SWT1: variants seen among roughly 807,000 people sequenced by gnomAD.
SWT1 encodes SWT1 RNA endoribonuclease homolog.
Under a neutral mutation model 107.3 loss-of-function variants are expected in SWT1, and 33 were observed. That is an observed-to-expected ratio of 0.31 (90% CI 0.23 to 0.41). SWT1 has a LOEUF of 0.41. Among genes scored for constraint, SWT1 ranks in the 10% least tolerant of loss-of-function variants. SWT1 has a pLI of 1.00. For missense variants in SWT1, 898 were observed against 1,028.9 expected (o/e 0.87, Z 1.74); for synonymous variants, 345 against 348.3 (o/e 0.99, Z 0.11).
At chr1:185,203,798 C>T (rs900633666) in intron 11 of SWT1, among the ~76,000 whole-genome samples, 3 of 151,990 alleles carry the variant, frequency 2.0e-5, no homozygotes, top group Non-Finnish European at 4.4e-5. Context: ...AATATATGTG[C>T]ATTTTATATA....
intron 10 of SWT1, among the ~76,000 whole-genome samples, chr1:185,194,854 G>C (rs889455980): frequency 6.6e-6 from 1 of 152,012 alleles, no homozygotes; most frequent in Non-Finnish European, 1.5e-5. Flanking sequence ...GATAGCTTCA[G>C]TATCTGTGTT....
intron 18 of SWT1, among the ~76,000 whole-genome samples, chr1:185,277,190 G>A (rs1489737048): frequency 6.6e-6 from 1 of 152,140 alleles, no homozygotes; most frequent in Non-Finnish European, 1.5e-5. Flanking sequence ...CGGATTGCGG[G>A]AAAAGTACTG....
chr1:185,186,003 A>G (rs1243107795), intron 9 of SWT1, among the ~76,000 whole-genome samples: 1 of 152,198 alleles, frequency 6.6e-6, no homozygotes, highest in Non-Finnish European at 1.5e-5. Flanking sequence ...TGAGAGGAAC[A>G]TAGGATTTGA....
At chr1:185,170,848 T>A (rs1654990582) in intron 4 of SWT1, among the ~76,000 whole-genome samples, 1 of 152,110 alleles carries the variant, frequency 6.6e-6, no homozygotes, top group African/African-American at 2.4e-5. Context: ...AAGACAAATT[T>A]ATAATAAAAA....
In SWT1 at chr1:185,202,662, G is replaced by A; in HGVS notation, c.1532G>A (p.Arg511Lys). Residue 511 changes from arginine (R) to lysine (K), a missense_variant, in exon 11 of 19, where the codon AGA becomes AAA. Around this residue, in one of 6 missense-constraint regions of SWT1, gnomAD observed 382 missense variants for 460.0 expected, o/e 0.83. Coordinates refer to ENST00000367500, the MANE Select transcript of SWT1 (RefSeq NM_017673.7). Reference sequence around the variant, plus strand: ...CAACCTCCCAACCTTAGGGATGATAGAAACTTAAGAAACAAAGGCCTAATA... The same window carrying A: ...CAACCTCCCAACCTTAGGGATGATAAAAACTTAAGAAACAAAGGCCTAATA... Reference protein sequence around the residue: ...CSFVILCTDDRNLRNKGLISG... With the variant: ...CSFVILCTDDKNLRNKGLISG... 1 of 1,605,892 alleles carries A rather than the reference G, an allele frequency of 6.2e-7. No homozygotes were observed. The highest frequency in any genetic ancestry group is 1.3e-5 in the African/African-American group (1 of 74,516).
chr1:185,170,799 A>G (rs1654985070), intron 4 of SWT1, among the ~76,000 whole-genome samples: 1 of 152,208 alleles, frequency 6.6e-6, no homozygotes, highest in Non-Finnish European at 1.5e-5. Flanking sequence ...CTATAGGACT[A>G]TAGGAAGAAA....
intron 10 of SWT1, among the ~76,000 whole-genome samples, chr1:185,195,457 A>G (rs547266007): frequency 1.3e-5 from 2 of 152,204 alleles, no homozygotes; most frequent in Admixed American, 6.5e-5. Context: ...CGCAATAAAC[A>G]TATGTGTGCA....
chr1:185,211,730 C>T (rs1658825745), intron 13 of SWT1, among the ~76,000 whole-genome samples: 1 of 152,216 alleles, frequency 6.6e-6, no homozygotes, highest in African/African-American at 2.4e-5. Flanking sequence ...GACTATAAAT[C>T]ATGCTGCTAT....
chr1:185,187,746 G>A (rs757790504), intron 9 of SWT1, among the ~76,000 whole-genome samples: 3 of 152,002 alleles, frequency 2.0e-5, no homozygotes, highest in Non-Finnish European at 4.4e-5. Flanking sequence ...GTGCAATGGC[G>A]TGATCTCAGC....
At chr1:185,285,125 C>T (rs577819932) in intron 18 of SWT1, among the ~76,000 whole-genome samples, 1 of 152,250 alleles carries the variant, frequency 6.6e-6, no homozygotes, top group South Asian at 2.1e-4. Context: ...TGACTCAGTA[C>T]TTTTCTGCTT....
chr1:185,224,555 G>C (rs147383721), intron 15 of SWT1, among the ~76,000 whole-genome samples: 3 of 152,058 alleles, frequency 2.0e-5, no homozygotes, highest in Non-Finnish European at 2.9e-5. Flanking sequence ...TAAATCTGTA[G>C]ATCACTTTGG....
intron 11 of SWT1, among the ~76,000 whole-genome samples, chr1:185,203,394 C>CG (rs1658043160): frequency 6.6e-6 from 1 of 152,000 alleles, no homozygotes; most frequent in African/African-American, 2.4e-5. Context: ...GAGGCCGAGG[C>CG]GGGTGGATCA....
chr1:185,287,205 G>A (rs958278528), intron 18 of SWT1, among the ~76,000 whole-genome samples: 5 of 152,116 alleles, frequency 3.3e-5, no homozygotes, highest in Non-Finnish European at 5.9e-5. Context: ...TTGGTTATGC[G>A]AAAGGAATCA....
At position 185,172,183 on chromosome 1, in the gene SWT1, TC is replaced by T. The variant is rs139557557; in HGVS notation, c.225-2185del. Among the ~76,000 whole-genome samples, 188 of 152,340 alleles carry T rather than the reference TC, an allele frequency of 1.2e-3. 1 individual carries two copies. The East Asian group carries it at 0.033, about 27-fold the overall frequency. On this transcript the variant is annotated intron_variant, in intron 4 of 18. Transcript: ENST00000367500. ...ATTAATAGATTGTGTTTGACATTTT[TC>T]CCCTTTTTTTCTCACTACAAAGTAA... is the stretch of plus-strand genomic sequence containing the variant.
chr1:185,216,188 A>G (rs1260230021), intron 14 of SWT1, among the ~76,000 whole-genome samples: 1 of 152,172 alleles, frequency 6.6e-6, no homozygotes, highest in Non-Finnish European at 1.5e-5. Context: ...TTGAGGAAAG[A>G]ATTTATTTAA....
rs993117805 is a variant in SWT1, at chr1:185,271,467, C to G, written c.2508+78C>G. On this transcript the variant is annotated intron_variant, in intron 17 of 18. Transcript: ENST00000367500. ...AATGTAAATAAACAGAGTAGGAGTT[C>G]TCAAACATAGTGGAATGCTATTTAA... 1.4e-5 allele frequency: 10 copies of G among 733,734 alleles called. No individual in the cohort carries two copies. In the African/African-American group the frequency reaches 1.8e-4, roughly 13 times the overall value. 45.5% of individuals were successfully genotyped at this position (733,734 alleles called of 1,614,324 possible).
At chr1:185,218,831 C>G (rs1659421395) in intron 14 of SWT1, among the ~76,000 whole-genome samples, 1 of 152,140 alleles carries the variant, frequency 6.6e-6, no homozygotes, top group Admixed American at 6.6e-5. Context: ...GACCTTAATT[C>G]TCTCTTTTGT....
chr1:185,172,426 G>A lies in SWT1; in HGVS notation c.225-1946G>A, dbSNP rs369310657. 2.1e-4 allele frequency among the ~76,000 whole-genome samples: 32 copies of A among 152,138 alleles called. 1 individual carries two copies. Among genetic ancestry groups the A allele is most frequent in the South Asian group, 1.0e-3 (5 of 4,826 alleles). On this transcript the variant is annotated intron_variant, in intron 4 of 18. Coordinates refer to ENST00000367500, the MANE Select transcript of SWT1 (RefSeq NM_017673.7). ...TCCTTTTAAAAAACTGTGATATTCC[G>A]TCATATGAATATGTCACTTTTTAAA...
Position 185,160,058 on chromosome 1 carries a change from A to G in SWT1, c.-9-775A>G, listed in dbSNP as rs550715331. On this transcript the variant is annotated intron_variant, in intron 1 of 18. Coordinates refer to ENST00000367500, the MANE Select transcript of SWT1 (RefSeq NM_017673.7). ...TTACATCCATTGTTTCAGTACCTCA[A>G]AAACCCTGTGGGATGGGTTATCTAT... Among the ~76,000 whole-genome samples the G allele has an allele frequency of 6.6e-5, 10 of 152,296 alleles. No individual in the cohort carries two copies. In the South Asian group the frequency reaches 2.1e-3, roughly 32 times the overall value.
Sources: gnomAD v4.1 joint callset for allele counts (sites outside exome capture counted in the v4.1 genomes callset) on GRCh38, gnomAD v4.1.1 for gene constraint, gnomAD v4.1.1 regional missense constraint, MANE v1.5 for transcripts, NCBI Gene and HGNC (gene_info 2026-07-23, HGNC 2026-07-21) for gene names.